Variants in PTBP1 observed in about 807,000 individuals in gnomAD.
PTBP1 encodes polypyrimidine tract binding protein 1, also known as polypyrimidine tract-binding protein 1.
In PTBP1, 8 loss-of-function variants were observed where a neutral mutation model predicts 59.8. The observed-to-expected ratio is 0.13, with a 90% confidence interval of 0.08 to 0.24. PTBP1 has a LOEUF of 0.24. Ranked by LOEUF, PTBP1 falls within the 10% of genes least tolerant of loss-of-function variation. PTBP1 has a pLI of 1.00. For synonymous variants in PTBP1, 490 were observed against 320.7 expected (o/e 1.53, Z -5.64); for missense variants, 686 against 767.0 (o/e 0.89, Z 1.25).
chr19:804,283 C>A lies in PTBP1; in HGVS notation c.289-9C>A. The A allele has an allele frequency of 6.2e-7, 1 of 1,613,532 alleles. No homozygotes were observed. On this transcript the variant is annotated splice_polypyrimidine_tract_variant and intron_variant, in intron 4 of 14. Transcript: ENST00000356948. The stretch of plus-strand genomic sequence containing the variant: ...GAGGAGGGCCCAGCGCTCACTGCCT[C>A]CCCAACAGGCCTTCATCGAGATGAA...
At position 811,051 on chromosome 19, in the gene PTBP1, G is replaced by T; in HGVS notation, c.*225G>T. 1 of 475,846 alleles carries T rather than the reference G, an allele frequency of 2.1e-6. No individual in the cohort carries two copies. Among genetic ancestry groups the T allele is most frequent in the Non-Finnish European group, 3.6e-6 (1 of 279,246 alleles). 29.5% of individuals were successfully genotyped at this position (475,846 alleles called of 1,614,324 possible). ...GGTGACTGTGGCAGCGGGAGTTCCC[G>T]GCCCTCCACACCCGGGGCCAGACCC... On this transcript the variant is annotated 3_prime_UTR_variant, in exon 15 of 15. Transcript: ENST00000356948.
intron 10 of PTBP1, 189 bp from the exon 11 acceptor site, chr19:807,680 T>C: frequency 1.9e-6 from 1 of 519,304 alleles, no homozygotes; most frequent in East Asian, 3.3e-5. Context: ...AAAACAAAAA[T>C]TCCCCCTCAA....
Position 808,903 on chromosome 19 carries a change from AG to A in PTBP1, c.1463+143del. ...CTTACCCCAAACCTGAAGTACTGCA[AG>A]GCCTGGAGCTTGAGCCGAGGGCTGC... On this transcript the variant is annotated intron_variant, in intron 13 of 14. Transcript: ENST00000356948. This position sits in a 1 kb window ranked among gnomAD's most constrained non-coding sequence, Gnocchi z 4.7. 1 of 786,762 alleles carries A rather than the reference AG, an allele frequency of 1.3e-6. No individual in the cohort carries two copies. Among genetic ancestry groups the A allele is most frequent in the South Asian group, 1.7e-5 (1 of 58,352 alleles). The allele number at this position is 786,762 out of a possible 1,614,324, so 48.7% of individuals were successfully genotyped here. A position where few individuals can be genotyped will look rare whatever the true frequency, so the allele number is the denominator to read the frequency against.
chr19:810,991 C>A lies in PTBP1; in HGVS notation c.*165C>A. On this transcript the variant is annotated 3_prime_UTR_variant, in exon 15 of 15. Coordinates refer to ENST00000356948, the MANE Select transcript of PTBP1 (RefSeq NM_002819.5). ...AAAAAATTAAATCTAGTTCACCTTG[C>A]TCACCCTGCGGTGACAGGGACAGCT... The A allele has an allele frequency of 1.4e-6, 1 of 733,108 alleles. No individual in the cohort carries two copies. Among genetic ancestry groups the A allele is most frequent in the African/African-American group, 1.9e-5 (1 of 53,430 alleles). The allele number at this position is 733,108 out of a possible 1,614,324, so 45.4% of individuals were successfully genotyped here.
chr19:805,530 G>C lies in PTBP1; in HGVS notation c.931G>C (p.Ala311Pro), dbSNP rs2034526205. The change falls in exon 9 of 15, where the codon GCT becomes CCT. Residue 311 changes from alanine to proline, a missense_variant. Physicochemically the swap from Ala to Pro is conservative, Grantham distance 27. Coordinates refer to ENST00000356948, the MANE Select transcript of PTBP1 (RefSeq NM_002819.5). The part of the protein sequence containing the change: ...GIISASPYAG[A>P]GFPPTFAIPQ... ...AATCTCAGCCTCTCCGTATGCAGGAGCTGGTTTCCCTCCCACCTTTGCCAT... is the reference window on the plus strand; with the variant it reads ...AATCTCAGCCTCTCCGTATGCAGGACCTGGTTTCCCTCCCACCTTTGCCAT... The C allele has an allele frequency of 6.2e-7, 1 of 1,613,956 alleles. No homozygotes were observed. The highest frequency in any genetic ancestry group is 2.2e-5 in the East Asian group (1 of 44,878).
At position 806,483 on chromosome 19, in the gene PTBP1, C is replaced by T. The variant is rs1480575187; in HGVS notation, c.1046C>T (p.Ala349Val). 4 of 1,587,510 alleles carry T rather than the reference C, an allele frequency of 2.5e-6. No individual in the cohort carries two copies. The highest frequency in any genetic ancestry group is 1.8e-5 in the Admixed American group (1 of 56,554). The change falls in exon 10 of 15, where the codon GCA becomes GTA. Residue 349 changes from alanine (A) to valine (V), a missense_variant. Coordinates refer to ENST00000356948, the MANE Select transcript of PTBP1 (RefSeq NM_002819.5). Reference sequence around the variant, plus strand: ...TCGGCGGCGGCGGCAGCTGCGGCGGCAGGTCGGATCGCCATCCCGGGCCTG... The same window carrying T: ...TCGGCGGCGGCGGCAGCTGCGGCGGTAGGTCGGATCGCCATCCCGGGCCTG... ...IPSAAAAAAA[A>V]GRIAIPGLAG...
intron 2 of PTBP1, among the ~76,000 whole-genome samples, chr19:800,388 A>G (rs547656413): frequency 2.0e-5 from 3 of 152,102 alleles, no homozygotes; most frequent in Non-Finnish European, 2.9e-5. Context: ...ATGTGAGGAA[A>G]GGGGGTCAGA....
rs545449612 is a variant in PTBP1 at position 799,277 on chromosome 19, C to G, written c.9-136C>G. ...CCTTCTGAGCTTTCTCTAGCGGGGC[C>G]TCGTGCAGCCAGAGGGAGCCCTGCG... On this transcript the variant is annotated intron_variant, in intron 1 of 14. Coordinates refer to ENST00000356948, the MANE Select transcript of PTBP1 (RefSeq NM_002819.5). 112 of 825,528 alleles carry G rather than the reference C, an allele frequency of 1.4e-4. No homozygotes were observed. In the African/African-American group the frequency reaches 1.6e-3, roughly 12 times the overall value. The allele number at this position is 825,528 out of a possible 1,614,324, so 51.1% of individuals were successfully genotyped here.
intron 2 of PTBP1, among the ~76,000 whole-genome samples, chr19:802,970 T>G (rs948666767): frequency 2.0e-5 from 3 of 152,208 alleles, no homozygotes; most frequent in African/African-American, 7.2e-5. Context: ...GGAGGCCGTG[T>G]CTCTAGTCCT....
intron 13 of PTBP1, among the ~76,000 whole-genome samples, chr19:809,078 G>A (rs539307344): frequency 2.0e-5 from 3 of 150,756 alleles, no homozygotes; most frequent in East Asian, 2.0e-4. Flanking sequence ...GAACGATCTC[G>A]GTTCACTGCA....
intron 1 of PTBP1, among the ~76,000 whole-genome samples, chr19:797,883 C>T (rs1481360003): frequency 2.0e-5 from 3 of 149,018 alleles, no homozygotes; most frequent in African/African-American, 2.4e-5. Context: ...CGCCTCCCGT[C>T]CGCTCCCCTC....
intron 1 of PTBP1, among the ~76,000 whole-genome samples, chr19:798,946 C>T (rs921212605): frequency 6.6e-6 from 1 of 152,252 alleles, no homozygotes; most frequent in African/African-American, 2.4e-5. Flanking sequence ...GGGCTCCACT[C>T]TGCTGAGAGG....
chr19:808,238 C>T lies in PTBP1; in HGVS notation c.1154-122C>T, dbSNP rs143794010. The T allele has an allele frequency of 9.4e-5, 77 of 821,804 alleles. No individual in the cohort carries two copies. In the East Asian group the frequency reaches 2.0e-3, roughly 22 times the overall value. The allele number at this position is 821,804 out of a possible 1,614,324, so 50.9% of individuals were successfully genotyped here. A position where few individuals can be genotyped will look rare whatever the true frequency, so the allele number is the denominator to read the frequency against. On this transcript the variant is annotated intron_variant, in intron 11 of 14. Transcript: ENST00000356948. This position sits in a 1 kb window ranked among gnomAD's most constrained non-coding sequence, Gnocchi z 4.7. ...GCTGCGAGACGCAGCTCCGCAGTGG[C>T]CGATAAAGCAAACCCGGCCGGGCTG...
chr19:810,576 G>C lies in PTBP1; in HGVS notation c.1497G>C (p.Leu499=). Residue 499 remains leucine (L), a synonymous_variant, in exon 14 of 15, where the codon CTG becomes CTC. Transcript: ENST00000356948. ...TCTCCGAGGAGGATCTCAAGGTCCT[G>C]TTTTCCAGCAATGGGGGCGTCGTCA... The part of the protein sequence containing the change: ...PSVSEEDLKV[L]FSSNGGVVKG... The C allele has an allele frequency of 6.2e-7, 1 of 1,613,738 alleles. No homozygotes were observed.
intron 2 of PTBP1, among the ~76,000 whole-genome samples, chr19:800,451 C>T (rs935460985): frequency 6.6e-6 from 1 of 152,078 alleles, no homozygotes; most frequent in African/African-American, 2.4e-5. Flanking sequence ...AGCTGTAGTC[C>T]TCGCTTAGCT....
chr19:797,630 C>T (rs1171440668), intron 1 of PTBP1, 125 bp downstream of exon 1: 5 of 540,608 alleles, frequency 9.2e-6, no homozygotes, highest in Non-Finnish European at 1.3e-5. Context: ...GCGGGCTCTC[C>T]CCTTCCTCTC....
intron 4 of PTBP1, 28 bp downstream of exon 4, chr19:804,236 C>T: frequency 6.2e-7 from 1 of 1,609,620 alleles, no homozygotes; most frequent in Non-Finnish European, 8.5e-7. Flanking sequence ...CTCCGGGGTG[C>T]TCACACCGTG....
intron 1 of PTBP1, among the ~76,000 whole-genome samples, chr19:798,064 C>T (rs939622211): frequency 6.6e-6 from 1 of 151,656 alleles, no homozygotes; most frequent in Non-Finnish European, 1.5e-5. Flanking sequence ...CGGGGCCTCG[C>T]CGCGGGCCCG....
At chr19:800,806 C>T (rs888362389) in intron 2 of PTBP1, among the ~76,000 whole-genome samples, 1 of 152,218 alleles carries the variant, frequency 6.6e-6, no homozygotes, top group African/African-American at 2.4e-5. Context: ...TGTGGGCCTG[C>T]TTTCCAGCTG....
Sources: gnomAD v4.1 joint callset for allele counts (sites outside exome capture counted in the v4.1 genomes callset) on GRCh38, gnomAD v4.1.1 for gene constraint, Gnocchi (gnomAD v3.1) non-coding constraint, MANE v1.5 for transcripts, NCBI Gene and HGNC (gene_info 2026-07-23, HGNC 2026-07-21) for gene names.